Variants in TOM1L2 observed in about 807,000 individuals in gnomAD.
TOM1L2 encodes target of myb1 like 2 membrane trafficking protein.
In TOM1L2, 31 loss-of-function variants were observed where a neutral mutation model predicts 67.9. That is an observed-to-expected ratio of 0.46 (90% CI 0.34 to 0.62). TOM1L2 has a LOEUF of 0.62. Ranked by LOEUF, TOM1L2 falls within the 20% of genes least tolerant of loss-of-function variation. The pLI is 0.01. For missense variants in TOM1L2, 606 were observed against 663.5 expected, an observed-to-expected ratio of 0.91 and a Z score of 0.95; for synonymous variants, 256 against 254.0, an observed-to-expected ratio of 1.01 and a Z score of -0.07.
At chr17:17,876,144 CG>C (rs1327082924) in intron 7 of TOM1L2, among the ~76,000 whole-genome samples, 1 of 152,040 alleles carries the variant, frequency 6.6e-6, no homozygotes, top group Non-Finnish European at 1.5e-5. Context: ...ATGACATAAT[CG>C]CAATCTTTAA....
chr17:17,854,684 C>CTGCCTAA (rs2036171124), intron 12 of TOM1L2, among the ~76,000 whole-genome samples: 1 of 151,040 alleles, frequency 6.6e-6, no homozygotes, highest in Non-Finnish European at 1.5e-5. Flanking sequence ...GCCACCACAC[C>CTGCCTAA]TGCCTAATTT....
intron 1 of TOM1L2, among the ~76,000 whole-genome samples, chr17:17,961,762 C>T (rs2041687965): frequency 6.6e-6 from 1 of 151,810 alleles, no homozygotes; most frequent in African/African-American, 2.4e-5. Context: ...GTCCCAGCTA[C>T]TCGGGAGGCT....
At chr17:17,892,810 A>G (rs190749303) in intron 4 of TOM1L2, among the ~76,000 whole-genome samples, 8 of 152,310 alleles carry the variant, frequency 5.3e-5, no homozygotes, top group Admixed American at 5.2e-4. Context: ...GTGACTTCCA[A>G]GGCTAGGTCA....
chr17:17,925,169 A>G (rs2040033514), intron 1 of TOM1L2, among the ~76,000 whole-genome samples: 1 of 152,208 alleles, frequency 6.6e-6, no homozygotes, highest in Non-Finnish European at 1.5e-5. Flanking sequence ...CAAAACCATG[A>G]GCCAAATAAA....
chr17:17,850,883 C>T lies in TOM1L2; in HGVS notation c.1338+10G>A, dbSNP rs752914306. The T allele has an allele frequency of 3.1e-6, 5 of 1,613,770 alleles. No homozygotes were observed. Among genetic ancestry groups the T allele is most frequent in the Admixed American group, 1.7e-5 (1 of 60,008 alleles). On this transcript the variant is annotated intron_variant, in intron 13 of 14. Coordinates refer to ENST00000379504, the MANE Select transcript of TOM1L2 (RefSeq NM_001082968.2). ...CACCCCACAGATGAAATAGAAAAGT[C>T]GAGTCTCACCAGGTCGGTCCTGAGC...
At chr17:17,932,748 T>A (rs2040386300) in intron 1 of TOM1L2, among the ~76,000 whole-genome samples, 1 of 152,158 alleles carries the variant, frequency 6.6e-6, no homozygotes. Context: ...ATGGAGTTAA[T>A]ACTATTAATA....
At chr17:17,850,641 T>C (rs1328253076) in intron 13 of TOM1L2, among the ~76,000 whole-genome samples, 1 of 152,172 alleles carries the variant, frequency 6.6e-6, no homozygotes, top group African/African-American at 2.4e-5. Flanking sequence ...TAGGACTGTG[T>C]GGGTGAAGGA....
intron 1 of TOM1L2, among the ~76,000 whole-genome samples, chr17:17,934,643 A>G (rs1426563741): frequency 6.6e-6 from 1 of 152,180 alleles, no homozygotes; most frequent in African/African-American, 2.4e-5. Flanking sequence ...ATTTTGTAAC[A>G]AGATTTATGA....
At chr17:17,851,859 C>T (rs2035997340) in intron 12 of TOM1L2, among the ~76,000 whole-genome samples, 2 of 152,310 alleles carry the variant, frequency 1.3e-5, no homozygotes, top group South Asian at 4.1e-4. Flanking sequence ...GTTGCCTGAG[C>T]AGTCACCTTG....
At chr17:17,860,341 T>C (rs2036485377) in intron 12 of TOM1L2, among the ~76,000 whole-genome samples, 2 of 152,182 alleles carry the variant, frequency 1.3e-5, no homozygotes, top group South Asian at 4.1e-4. Flanking sequence ...CCCACTCCTG[T>C]GGAAAGGCAC....
Position 17,965,457 on chromosome 17 carries a change from C to T in TOM1L2, c.52+6805G>A, listed in dbSNP as rs143273074. 5.7e-3 allele frequency among the ~76,000 whole-genome samples: 867 copies of T among 152,328 alleles called. 9 individuals are homozygous for T. Among genetic ancestry groups the T allele is most frequent in the Middle Eastern group, 0.02 (6 of 294 alleles). On this transcript the variant is annotated intron_variant, in intron 1 of 14. Coordinates refer to ENST00000379504, the MANE Select transcript of TOM1L2 (RefSeq NM_001082968.2). Reference sequence around the variant, plus strand: ...CCAAACATCCTTTTCCATTTCTACACAAACCAAATCCTCCCCATTCATCAA... The same window carrying T: ...CCAAACATCCTTTTCCATTTCTACATAAACCAAATCCTCCCCATTCATCAA...
chr17:17,868,074 G>T (rs1478418758), intron 8 of TOM1L2, among the ~76,000 whole-genome samples: 1 of 152,164 alleles, frequency 6.6e-6, no homozygotes, highest in African/African-American at 2.4e-5. Flanking sequence ...CTCCTGTTAT[G>T]CTTTCTAGCA....
intron 2 of TOM1L2, among the ~76,000 whole-genome samples, chr17:17,904,912 T>C (rs2039020203): frequency 6.6e-6 from 1 of 152,232 alleles, no homozygotes; most frequent in Non-Finnish European, 1.5e-5. Context: ...GGACAGGCCT[T>C]GGCCACAGCC....
chr17:17,934,150 A>G (rs1258675865), intron 1 of TOM1L2, among the ~76,000 whole-genome samples: 1 of 152,256 alleles, frequency 6.6e-6, no homozygotes, highest in Non-Finnish European at 1.5e-5. Flanking sequence ...TTAAAAGTGT[A>G]TACCTGGCTG....
intron 12 of TOM1L2, among the ~76,000 whole-genome samples, chr17:17,853,078 G>A (rs964812720): frequency 2.0e-5 from 3 of 152,124 alleles, no homozygotes; most frequent in Admixed American, 6.5e-5. Context: ...GCTACTCTGT[G>A]CTTGCTGGCA....
intron 1 of TOM1L2, among the ~76,000 whole-genome samples, chr17:17,930,567 T>C (rs1283949452): frequency 6.6e-6 from 1 of 152,158 alleles, no homozygotes; most frequent in Admixed American, 6.5e-5. Context: ...CAATATGCCA[T>C]GAAAATGTTT....
intron 1 of TOM1L2, among the ~76,000 whole-genome samples, chr17:17,936,399 C>T (rs1422993764): frequency 6.6e-6 from 1 of 152,142 alleles, no homozygotes; most frequent in Non-Finnish European, 1.5e-5. Context: ...TCCATAAAAA[C>T]TAAGCATATG....
At chr17:17,950,347 CAG>C (rs1210814684) in intron 1 of TOM1L2, among the ~76,000 whole-genome samples, 3 of 151,938 alleles carry the variant, frequency 2.0e-5, no homozygotes, top group African/African-American at 7.3e-5. Flanking sequence ...TTAGTAGAGA[CAG>C]GGTTTTACCA....
intron 1 of TOM1L2, among the ~76,000 whole-genome samples, chr17:17,927,681 G>A (rs1268662838): frequency 1.2e-5 from 1 of 83,012 alleles, no homozygotes; most frequent in Non-Finnish European, 2.5e-5. Context: ...TTTTTTTTTT[G>A]AGACAGGATC....
Sources: gnomAD v4.1 joint callset for allele counts (sites outside exome capture counted in the v4.1 genomes callset) on GRCh38, gnomAD v4.1.1 for gene constraint, MANE v1.5 for transcripts, NCBI Gene and HGNC (gene_info 2026-07-23, HGNC 2026-07-21) for gene names.